The following SLC39A11 variants were observed in gnomAD, a reference collection of about 807,000 sequenced individuals.
SLC39A11 encodes the protein zinc transporter ZIP11.
SLC39A11 carries 33 observed loss-of-function variants against 36.1 expected under a neutral mutation model. That is an observed-to-expected ratio of 0.91 (90% CI 0.69 to 1.22). The LOEUF is 1.22. SLC39A11 is among the 50% of genes most tolerant of loss of function. The probability of loss-of-function intolerance (pLI) is 0.00; values close to 1 mark genes in which losing one functional copy is unlikely to be tolerated. For synonymous variants in SLC39A11, 166 were observed against 170.3 expected, an observed-to-expected ratio of 0.97 and a Z score of 0.20; for missense variants, 432 against 430.3, an observed-to-expected ratio of 1.00 and a Z score of -0.03.
intron 5 of SLC39A11, among the ~76,000 whole-genome samples, chr17:72,902,325 C>A (rs974471131): frequency 5.9e-5 from 9 of 151,650 alleles, no homozygotes; most frequent in Admixed American, 1.3e-4. Context: ...CACACAGAGG[C>A]CAGGCGACAT....
chr17:72,945,606 G>C (rs576292212), intron 5 of SLC39A11, among the ~76,000 whole-genome samples: 1 of 152,156 alleles, frequency 6.6e-6, no homozygotes, highest in Non-Finnish European at 1.5e-5. Context: ...GCTTCCCCAA[G>C]AGCTGCATTT....
At chr17:72,987,849 C>T (rs1371266448) in intron 4 of SLC39A11, among the ~76,000 whole-genome samples, 2 of 152,162 alleles carry the variant, frequency 1.3e-5, no homozygotes, top group African/African-American at 2.4e-5. Context: ...AAACAAACAG[C>T]CGGTGGGGGC....
At position 72,919,258 on chromosome 17, in the gene SLC39A11, G is replaced by GATA. The variant is rs941372943; in HGVS notation, c.430+28491_430+28493dup. Among the ~76,000 whole-genome samples the GATA allele has an allele frequency of 3.5e-4, 53 of 151,510 alleles. 1 individual carries two copies. The highest frequency in any genetic ancestry group is 4.3e-4 in the Non-Finnish European group (29 of 67,902). ...AAGACAGTCTCTGCCCACTCTTGCTGATAATAATAATAATAATAAAGCTAT... is the reference window on the plus strand; with the variant it reads ...AAGACAGTCTCTGCCCACTCTTGCTGATAATAATAATAATAATAATAAAGCTAT... On this transcript the variant is annotated intron_variant, in intron 5 of 9. Coordinates refer to ENST00000255559, the MANE Select transcript of SLC39A11 (RefSeq NM_139177.4).
At chr17:72,755,363 T>G (rs1398701131) in intron 6 of SLC39A11, among the ~76,000 whole-genome samples, 2 of 152,038 alleles carry the variant, frequency 1.3e-5, no homozygotes, top group African/African-American at 2.4e-5. Flanking sequence ...GCAGAGAAGG[T>G]GGAGCAAGTT....
chr17:72,841,656 AATAAT>A (rs2078814888), intron 6 of SLC39A11, among the ~76,000 whole-genome samples: 1 of 152,210 alleles, frequency 6.6e-6, no homozygotes, highest in South Asian at 2.1e-4. Flanking sequence ...GGCTATAGTC[AATAAT>A]ATAATAATTG....
rs546992393 is a variant in SLC39A11 at position 72,877,477 on chromosome 17, C to T, written c.431-27673G>A. ...GTGCCACGTTAAAATGGGCAAAAAG[C>T]GGGGAAAATGGCCTCAACCTTTCTT... is the stretch of plus-strand genomic sequence containing the variant. On this transcript the variant is annotated intron_variant, in intron 5 of 9. Transcript: ENST00000255559. Among the ~76,000 whole-genome samples the T allele has an allele frequency of 6.6e-5, 10 of 152,254 alleles. No individual in the cohort carries two copies. In the South Asian group the frequency reaches 1.7e-3, roughly 25 times the overall value.
chr17:72,705,840 T>C (rs2072870875), intron 7 of SLC39A11, among the ~76,000 whole-genome samples: 1 of 152,212 alleles, frequency 6.6e-6, no homozygotes, highest in Non-Finnish European at 1.5e-5. Context: ...ATGTGCGACA[T>C]TCACTACAGC....
intron 6 of SLC39A11, among the ~76,000 whole-genome samples, chr17:72,832,087 T>C (rs988167471): frequency 6.6e-6 from 1 of 152,170 alleles, no homozygotes; most frequent in African/African-American, 2.4e-5. Flanking sequence ...CAAAATGAAA[T>C]GGGATCGAGC....
chr17:73,034,868 T>A (rs141737488), intron 3 of SLC39A11, among the ~76,000 whole-genome samples: 41 of 152,228 alleles, frequency 2.7e-4, no homozygotes, highest in African/African-American at 9.6e-4. Context: ...AGAAGAGAAG[T>A]GTCTCTCAAG....
At chr17:72,804,626 T>C (rs2077194892) in intron 6 of SLC39A11, among the ~76,000 whole-genome samples, 1 of 152,150 alleles carries the variant, frequency 6.6e-6, no homozygotes, top group African/African-American at 2.4e-5. Flanking sequence ...CAAACTGCAG[T>C]CAAGAAATCC....
At chr17:73,031,508 G>A in intron 4 of SLC39A11, 48 bp downstream of exon 4, 1 of 1,599,436 alleles carries the variant, frequency 6.3e-7, no homozygotes, top group Non-Finnish European at 8.6e-7. Flanking sequence ...TCATTGCACA[G>A]AGCTGGTTGT....
At chr17:73,072,011 AG>A (rs1385344501) in intron 3 of SLC39A11, among the ~76,000 whole-genome samples, 42 of 152,350 alleles carry the variant, frequency 2.8e-4, no homozygotes, top group African/African-American at 9.9e-4. Context: ...ACTACCCTAA[AG>A]GAATATCTAT....
Position 72,896,479 on chromosome 17 carries a change from G to A in SLC39A11, c.431-46675C>T, listed in dbSNP as rs561092404. Among the ~76,000 whole-genome samples, 11 of 152,064 alleles carry A rather than the reference G, an allele frequency of 7.2e-5. No homozygotes were observed. In the South Asian group the frequency reaches 2.1e-3, roughly 29 times the overall value. On this transcript the variant is annotated intron_variant, in intron 5 of 9. Transcript: ENST00000255559. Reference sequence around the variant, plus strand: ...AGCCTCCGAAAGTGCTGGGATTACAGGCATGAGTCACTGCACCCGGCCTAC... The same window carrying A: ...AGCCTCCGAAAGTGCTGGGATTACAAGCATGAGTCACTGCACCCGGCCTAC...
intron 9 of SLC39A11, among the ~76,000 whole-genome samples, chr17:72,648,573 G>A (rs755085354): frequency 9.7e-4 from 147 of 152,246 alleles, no homozygotes; most frequent in Non-Finnish European, 1.9e-3. Context: ...GGGGGCAGGT[G>A]TGTATGCCAC....
intron 6 of SLC39A11, among the ~76,000 whole-genome samples, chr17:72,779,275 C>A (rs981542897): frequency 3.3e-5 from 5 of 151,970 alleles, no homozygotes; most frequent in African/African-American, 1.2e-4. Context: ...GAAACCCCGT[C>A]TCTACTAAAA....
At chr17:72,952,581 C>T (rs1330505651) in intron 4 of SLC39A11, among the ~76,000 whole-genome samples, 2 of 152,280 alleles carry the variant, frequency 1.3e-5, no homozygotes, top group Middle Eastern at 3.4e-3. Context: ...AGCCTTGGCC[C>T]GTGCATGAGG....
intron 6 of SLC39A11, among the ~76,000 whole-genome samples, chr17:72,848,972 C>A (rs2079175803): frequency 6.6e-6 from 1 of 152,044 alleles, no homozygotes. Context: ...TGCTGTTGAC[C>A]AGAAGTCTTA....
chr17:73,070,757 A>G (rs112565313), intron 3 of SLC39A11, among the ~76,000 whole-genome samples: 13,232 of 152,122 alleles, frequency 0.087, 849 homozygotes, highest in East Asian at 0.23. Flanking sequence ...AAGTCTCATG[A>G]GATCTGATGG....
At chr17:72,682,546 A>G (rs972783055) in intron 7 of SLC39A11, among the ~76,000 whole-genome samples, 4 of 152,226 alleles carry the variant, frequency 2.6e-5, no homozygotes, top group African/African-American at 9.6e-5. Flanking sequence ...CAAGCCCCAC[A>G]TTATCCAAGG....
Sources: allele counts gnomAD v4.1 joint callset (sites outside exome capture counted in the v4.1 genomes callset), GRCh38; gene constraint gnomAD v4.1.1; transcripts MANE v1.5; gene names NCBI Gene and HGNC (gene_info 2026-07-23, HGNC 2026-07-21).